The following COL4A4 variants were observed in gnomAD, a reference collection of about 807,000 sequenced individuals.
COL4A4 encodes the protein collagen type IV alpha 4 chain, also known as collagen alpha-4(IV) chain.
Under a neutral mutation model 192.9 loss-of-function variants are expected in COL4A4, and 105 were observed. That is an observed-to-expected ratio of 0.54 (90% CI 0.46 to 0.64). The LOEUF is 0.64. COL4A4 is among the 30% of genes least tolerant of loss of function. The pLI, the probability that COL4A4 is intolerant of heterozygous loss-of-function variation, is 0.00. For synonymous variants in COL4A4, 762 were observed against 769.9 expected (o/e 0.99, Z 0.17); for missense variants, 1,967 against 2,169.3 (o/e 0.91, Z 1.85).
intron 8 of COL4A4, among the ~76,000 whole-genome samples, chr2:227,114,250 G>A (rs2061370074): frequency 6.6e-6 from 1 of 152,232 alleles, no homozygotes; most frequent in Non-Finnish European, 1.5e-5. Context: ...TTCAGAGGTG[G>A]GGGATGCTAT....
In COL4A4 at chr2:227,101,545, G is replaced by C; in HGVS notation, c.988C>G (p.Leu330Val). 6.2e-7 allele frequency: 1 copy of C among 1,611,504 alleles called. No individual in the cohort carries two copies. The highest frequency in any genetic ancestry group is 8.5e-7 in the Non-Finnish European group (1 of 1,178,998). Residue 330 changes from leucine (L) to valine (V), a missense_variant, in exon 17 of 48, where the codon CTG becomes GTG. Coordinates refer to ENST00000396625, the MANE Select transcript of COL4A4 (RefSeq NM_000092.5). ...GFPGLKGELG[L>V]VGDPGLFGLI... is the part of the protein sequence containing the mutation. ...CCAAATAGCCCAGGATCTCCAACCA[G>C]TCCTAGTTCTCCCTACAAACAAGCA...
intron 37 of COL4A4, among the ~76,000 whole-genome samples, chr2:227,040,338 A>C (rs1970523571): frequency 6.6e-6 from 1 of 152,162 alleles, no homozygotes; most frequent in African/African-American, 2.4e-5. Context: ...TCAGATAAGG[A>C]CTGCAACCTC....
chr2:227,070,443 A>T (rs2058644510), intron 25 of COL4A4, among the ~76,000 whole-genome samples: 1 of 152,072 alleles, frequency 6.6e-6, no homozygotes, highest in South Asian at 2.1e-4. Flanking sequence ...GGCATTATTC[A>T]CAATAGCAAA....
chr2:227,091,218 C>A (rs1433858805), intron 20 of COL4A4, among the ~76,000 whole-genome samples: 2 of 150,222 alleles, frequency 1.3e-5, no homozygotes, highest in African/African-American at 4.9e-5. Context: ...CAAAAGGAAA[C>A]ATTAAAAGAG....
intron 1 of COL4A4, among the ~76,000 whole-genome samples, chr2:227,160,930 G>C (rs1431563118): frequency 3.3e-5 from 5 of 152,210 alleles, no homozygotes; most frequent in Non-Finnish European, 7.3e-5. Context: ...GTATGGAAAA[G>C]AGAAAGTTCT....
At chr2:227,077,608 C>T (rs1367754674) in intron 25 of COL4A4, among the ~76,000 whole-genome samples, 1 of 151,764 alleles carries the variant, frequency 6.6e-6, no homozygotes, top group East Asian at 1.9e-4. Flanking sequence ...CACATGTATA[C>T]CTATGTAACA....
intron 3 of COL4A4, among the ~76,000 whole-genome samples, chr2:227,144,201 G>A (rs1335494491): frequency 1.3e-5 from 2 of 152,122 alleles, no homozygotes; most frequent in East Asian, 3.8e-4. Flanking sequence ...GAGCTAAAAT[G>A]TTCAAATTAT....
At chr2:227,030,686 T>G in intron 40 of COL4A4, 88 bp from the exon 41 acceptor site, 1 of 1,018,418 alleles carries the variant, frequency 9.8e-7, no homozygotes, top group Non-Finnish European at 1.4e-6. Flanking sequence ...GAAAAACAAT[T>G]CAATGACTTG....
At chr2:227,107,156 T>A (rs1472163800) in intron 12 of COL4A4, among the ~76,000 whole-genome samples, 1 of 152,226 alleles carries the variant, frequency 6.6e-6, no homozygotes, top group Non-Finnish European at 1.5e-5. Context: ...TTCAGTCATT[T>A]CTACAAGCCA....
At chr2:227,153,076 G>A (rs1296495251) in intron 1 of COL4A4, among the ~76,000 whole-genome samples, 2 of 152,144 alleles carry the variant, frequency 1.3e-5, no homozygotes, top group Non-Finnish European at 2.9e-5. Context: ...GAGAGAATGA[G>A]AGCCAAGCGA....
At chr2:227,131,978 G>C (rs568664455) in intron 4 of COL4A4, among the ~76,000 whole-genome samples, 3 of 152,262 alleles carry the variant, frequency 2.0e-5, no homozygotes. Flanking sequence ...CTTGCTTTTG[G>C]ACTTCTGGCC....
chr2:227,017,833 T>C (rs2149812234), intron 44 of COL4A4, among the ~76,000 whole-genome samples: 1 of 152,252 alleles, frequency 6.6e-6, no homozygotes, highest in East Asian at 1.9e-4. Flanking sequence ...CAGGGGTACG[T>C]GTGAAGTTTG....
chr2:227,011,329 G>T (rs1009260648), intron 45 of COL4A4, among the ~76,000 whole-genome samples: 1 of 152,172 alleles, frequency 6.6e-6, no homozygotes, highest in African/African-American at 2.4e-5. Context: ...GGTAGCCTGT[G>T]GACTGAATCA....
chr2:227,117,280 C>G, intron 7 of COL4A4, among the ~76,000 whole-genome samples: 1 of 152,178 alleles, frequency 6.6e-6, no homozygotes. Flanking sequence ...AAAGTTAAAA[C>G]TGAGAACCCT....
At chr2:227,147,999 C>A (rs1040796279) in intron 1 of COL4A4, among the ~76,000 whole-genome samples, 1 of 151,920 alleles carries the variant, frequency 6.6e-6, no homozygotes, top group African/African-American at 2.4e-5. Context: ...TTCTAGTATA[C>A]AAACATACAT....
chr2:227,101,252 G>A (rs1223888949), intron 17 of COL4A4, among the ~76,000 whole-genome samples: 3 of 152,084 alleles, frequency 2.0e-5, no homozygotes, highest in Admixed American at 2.0e-4. Context: ...TGCCATGATT[G>A]TGAGGCCTCC....
chr2:226,972,578 T>G, the COL4A4 span, among the ~76,000 whole-genome samples: 1 of 152,228 alleles, frequency 6.6e-6, no homozygotes. Flanking sequence ...CCTGCAGTGC[T>G]GCTTCATGGA....
At chr2:227,122,765 G>A (rs1276696558) in intron 4 of COL4A4, among the ~76,000 whole-genome samples, 7 of 152,202 alleles carry the variant, frequency 4.6e-5, no homozygotes, top group Non-Finnish European at 1.0e-4. Context: ...ACCCCACATT[G>A]GGTAGAAGGT....
At chr2:227,021,757 G>A (rs940831994) in intron 44 of COL4A4, among the ~76,000 whole-genome samples, 7 of 152,152 alleles carry the variant, frequency 4.6e-5, no homozygotes, top group Non-Finnish European at 8.8e-5. Context: ...CCTGGGAGGC[G>A]GAGCTTGCAG....
Sources: allele counts gnomAD v4.1 joint callset (sites outside exome capture counted in the v4.1 genomes callset), GRCh38; gene constraint gnomAD v4.1.1; transcripts MANE v1.5; gene names NCBI Gene and HGNC (gene_info 2026-07-23, HGNC 2026-07-21).